CNTN4: variants seen among roughly 807,000 people sequenced by gnomAD.
The protein encoded by CNTN4 is contactin 4.
CNTN4 carries 77 observed loss-of-function variants against 122.5 expected under a neutral mutation model. The observed-to-expected ratio is 0.63, with a 90% CI of 0.52 to 0.76. The LOEUF (loss-of-function observed/expected upper bound fraction) is 0.76, where lower values mean the gene tolerates loss of function less well. Among genes scored for constraint, CNTN4 ranks in the 30% least tolerant of loss-of-function variants. The pLI, the probability that CNTN4 is intolerant of heterozygous loss-of-function variation, is 0.00. For missense variants in CNTN4, 1,256 were observed against 1,259.1 expected (o/e 1.00, Z 0.04); for synonymous variants, 512 against 447.0 (o/e 1.15, Z -1.83).
chr3:2,468,707 T>C (rs2075587959), intron 3 of CNTN4, among the ~76,000 whole-genome samples: 1 of 152,158 alleles, frequency 6.6e-6, no homozygotes, highest in African/African-American at 2.4e-5. Context: ...GGTTAATTTT[T>C]TTTTTCTTTC....
chr3:2,730,187 G>T (rs1223849023), intron 4 of CNTN4, among the ~76,000 whole-genome samples: 1 of 152,154 alleles, frequency 6.6e-6, no homozygotes, highest in East Asian at 1.9e-4. Flanking sequence ...TCCTCAGGAT[G>T]ACACCCAAGT....
intron 4 of CNTN4, among the ~76,000 whole-genome samples, chr3:2,637,525 T>C (rs1215784124): frequency 6.6e-6 from 1 of 152,130 alleles, no homozygotes; most frequent in Non-Finnish European, 1.5e-5. Context: ...CAGTTGCTGT[T>C]CTTCAGGTTG....
At chr3:2,819,029 G>T (rs1024242709) in intron 6 of CNTN4, among the ~76,000 whole-genome samples, 6 of 152,150 alleles carry the variant, frequency 3.9e-5, no homozygotes, top group Admixed American at 2.6e-4. Context: ...TTCTGATAAT[G>T]ATATTTAAAT....
intron 7 of CNTN4, among the ~76,000 whole-genome samples, chr3:2,825,099 G>A (rs916991954): frequency 1.3e-5 from 2 of 152,154 alleles, no homozygotes; most frequent in Non-Finnish European, 2.9e-5. Context: ...GTAGCATTCT[G>A]GTCAGGTGCA....
chr3:2,393,074 G>A (rs1293289397), intron 3 of CNTN4, among the ~76,000 whole-genome samples: 1 of 152,164 alleles, frequency 6.6e-6, no homozygotes, highest in Non-Finnish European at 1.5e-5. Context: ...TCTGAGAGCT[G>A]TGAGCCACTG....
intron 7 of CNTN4, among the ~76,000 whole-genome samples, chr3:2,824,017 T>C (rs2092932237): frequency 6.6e-6 from 1 of 152,078 alleles, no homozygotes. Context: ...ATAGCTGTGG[T>C]TCCCACGCAC....
intron 14 of CNTN4, among the ~76,000 whole-genome samples, chr3:3,009,829 G>A (rs1015946679): frequency 2.0e-5 from 3 of 152,156 alleles, no homozygotes; most frequent in African/African-American, 7.2e-5. Context: ...TAAGAGTGTG[G>A]CACGAAAAAG....
At chr3:2,620,391 A>C (rs748945794) in intron 4 of CNTN4, among the ~76,000 whole-genome samples, 14 of 152,086 alleles carry the variant, frequency 9.2e-5, no homozygotes, top group African/African-American at 1.2e-4. Flanking sequence ...TCCCAGCTAC[A>C]TGGGAGGCTA....
chr3:2,552,324 A>G (rs558785405), intron 3 of CNTN4, among the ~76,000 whole-genome samples: 1 of 152,328 alleles, frequency 6.6e-6, no homozygotes, highest in Non-Finnish European at 1.5e-5. Context: ...TCACAGAACA[A>G]CAACTTCACT....
At chr3:2,652,183 C>A (rs1326477525) in intron 4 of CNTN4, among the ~76,000 whole-genome samples, 1 of 152,082 alleles carries the variant, frequency 6.6e-6, no homozygotes, top group Non-Finnish European at 1.5e-5. Flanking sequence ...GATTACACCA[C>A]TGCACTGCAG....
intron 7 of CNTN4, among the ~76,000 whole-genome samples, chr3:2,851,692 G>A (rs2093553427): frequency 6.6e-6 from 1 of 152,112 alleles, no homozygotes; most frequent in Admixed American, 6.5e-5. Flanking sequence ...GAAAACTGAG[G>A]CTTAGAAAGA....
intron 2 of CNTN4, among the ~76,000 whole-genome samples, chr3:2,264,357 C>T (rs866464776): frequency 5.3e-5 from 8 of 152,058 alleles, no homozygotes; most frequent in Admixed American, 3.9e-4. Context: ...TTGTACTTTT[C>T]TTGATGGTTA....
chr3:2,582,702 T>C (rs2079999973), intron 4 of CNTN4, among the ~76,000 whole-genome samples: 2 of 152,126 alleles, frequency 1.3e-5, no homozygotes, highest in South Asian at 4.1e-4. Flanking sequence ...GTGAGAGTGA[T>C]CTTGAAGATG....
At chr3:2,533,668 G>A (rs2077687612) in intron 3 of CNTN4, among the ~76,000 whole-genome samples, 1 of 152,150 alleles carries the variant, frequency 6.6e-6, no homozygotes, top group African/African-American at 2.4e-5. Flanking sequence ...GGATGGCTGG[G>A]TCAAATGGTA....
chr3:2,562,309 G>A (rs1045939315), intron 3 of CNTN4, among the ~76,000 whole-genome samples: 3 of 151,994 alleles, frequency 2.0e-5, no homozygotes, highest in African/African-American at 7.3e-5. Context: ...GAAATTAGGA[G>A]GACAAATGAC....
At chr3:2,108,383 A>T (rs575508429) in intron 2 of CNTN4, among the ~76,000 whole-genome samples, 2 of 152,154 alleles carry the variant, frequency 1.3e-5, no homozygotes, top group Non-Finnish European at 2.9e-5. Flanking sequence ...AATATCTGTC[A>T]TGAGAATGAC....
intron 3 of CNTN4, among the ~76,000 whole-genome samples, chr3:2,386,452 A>G (rs2046260717): frequency 6.6e-6 from 1 of 152,228 alleles, no homozygotes; most frequent in Non-Finnish European, 1.5e-5. Flanking sequence ...GCAAAATCCT[A>G]GAATGCCAAT....
At chr3:2,369,162 A>T (rs908249872) in intron 3 of CNTN4, among the ~76,000 whole-genome samples, 17 of 152,086 alleles carry the variant, frequency 1.1e-4, no homozygotes, top group Non-Finnish European at 2.5e-4. Context: ...TGACCTCGTG[A>T]TCTGCTCACC....
chr3:2,557,601 C>T (rs1044955276), intron 3 of CNTN4, among the ~76,000 whole-genome samples: 18 of 151,904 alleles, frequency 1.2e-4, no homozygotes, highest in Non-Finnish European at 2.4e-4. Flanking sequence ...TGGTGGCGGG[C>T]GCCTGTAGTT....
Sources: gnomAD v4.1 joint callset for allele counts (sites outside exome capture counted in the v4.1 genomes callset) on GRCh38, gnomAD v4.1.1 for gene constraint, MANE v1.5 for transcripts, NCBI Gene and HGNC (gene_info 2026-07-23, HGNC 2026-07-21) for gene names.